Variants in DAB2 observed in about 807,000 individuals in gnomAD.
DAB2 encodes DAB adaptor protein 2.
In DAB2, 28 loss-of-function variants were observed where a neutral mutation model predicts 71.6. That is an observed-to-expected ratio of 0.39 (90% CI 0.29 to 0.54). The LOEUF (loss-of-function observed/expected upper bound fraction) is 0.54. Ranked by LOEUF, DAB2 falls within the 20% of genes least tolerant of loss-of-function variation. The pLI is 0.68. For missense variants in DAB2, 867 were observed against 928.8 expected (o/e 0.93, Z 0.86); for synonymous variants, 345 against 339.7 (o/e 1.02, Z -0.17).
intron 9 of DAB2, 103 bp downstream of exon 9, chr5:39,388,202 T>C: frequency 1.2e-6 from 1 of 820,744 alleles, no homozygotes; most frequent in Non-Finnish European, 2.0e-6. Context: ...AAATCAACAG[T>C]CACCTTCCAA....
intron 11 of DAB2, among the ~76,000 whole-genome samples, chr5:39,377,559 G>C (rs1754862889): frequency 6.6e-6 from 1 of 152,114 alleles, no homozygotes; most frequent in Non-Finnish European, 1.5e-5. Context: ...CGGTCCATAA[G>C]TATCTACTCA....
At chr5:39,400,113 C>T (rs770944427) in intron 1 of DAB2, among the ~76,000 whole-genome samples, 25 of 152,120 alleles carry the variant, frequency 1.6e-4, no homozygotes, top group Non-Finnish European at 3.1e-4. Flanking sequence ...TTAGTGGTAG[C>T]CCCATTCAAC....
chr5:39,393,526 C>T (rs1173841276), intron 2 of DAB2, 133 bp from the exon 3 acceptor site: 1 of 892,054 alleles, frequency 1.1e-6, no homozygotes, highest in East Asian at 2.6e-5. Flanking sequence ...ATATTCTGTC[C>T]TGTCTTATTC....
intron 13 of DAB2, 125 bp downstream of exon 13, chr5:39,375,872 C>A (rs927179050): frequency 2.7e-6 from 2 of 754,010 alleles, no homozygotes; most frequent in Non-Finnish European, 4.3e-6. Context: ...GCCGACAGAG[C>A]AAGACTCTGT....
intron 14 of DAB2, among the ~76,000 whole-genome samples, chr5:39,374,422 A>G (rs1027583864): frequency 6.6e-6 from 1 of 152,208 alleles, no homozygotes; most frequent in African/African-American, 2.4e-5. Flanking sequence ...TATCTAAGAT[A>G]AAGTTCATGA....
intron 1 of DAB2, among the ~76,000 whole-genome samples, chr5:39,402,548 C>G (rs938349279): frequency 2.6e-5 from 4 of 152,160 alleles, no homozygotes; most frequent in African/African-American, 9.7e-5. Context: ...TCCCAAACAG[C>G]TGAGATTACA....
At position 39,421,980 on chromosome 5, in the gene DAB2, G is replaced by A. The variant is rs545043320; in HGVS notation, c.-102+2824C>T. ...AACTAATCAGGAGACTGAGGTCACAGAATCTCTTGAACCCAGGAGGCAGAG... is the reference window on the plus strand; with the variant it reads ...AACTAATCAGGAGACTGAGGTCACAAAATCTCTTGAACCCAGGAGGCAGAG... On this transcript the variant is annotated intron_variant, in intron 1 of 14. Coordinates refer to ENST00000320816, the MANE Select transcript of DAB2 (RefSeq NM_001343.4). Among the ~76,000 whole-genome samples, 6 of 152,126 alleles carry A rather than the reference G, an allele frequency of 3.9e-5. No individual in the cohort carries two copies. The East Asian group carries it at 1.2e-3, about 29-fold the overall frequency.
At chr5:39,379,098 G>GATAAAA (rs1189997198) in intron 11 of DAB2, among the ~76,000 whole-genome samples, 2 of 152,180 alleles carry the variant, frequency 1.3e-5, no homozygotes, top group African/African-American at 4.8e-5. Context: ...CATCTTTCAT[G>GATAAAA]TTGGACAACT....
At chr5:39,380,184 T>A (rs1485727194) in intron 11 of DAB2, among the ~76,000 whole-genome samples, 1 of 152,070 alleles carries the variant, frequency 6.6e-6, no homozygotes, top group Non-Finnish European at 1.5e-5. Flanking sequence ...AGACATGAAG[T>A]CTTTAGAGAG....
In DAB2 at chr5:39,371,994, C is replaced by T. The variant is rs1016742975; in HGVS notation, c.*1437G>A. ...GGCTAATCAATAGAGGGTCATGTGG[C>T]CCCTGTCTTGTTTAGCTTCTGAGCA... On this transcript the variant is annotated 3_prime_UTR_variant, in exon 15 of 15. Transcript: ENST00000320816. 6.6e-6 allele frequency: 1 copy of T among 152,130 alleles called. No homozygotes were observed. Among genetic ancestry groups the T allele is most frequent in the East Asian group, 1.9e-4 (1 of 5,194 alleles). 9.4% of individuals were successfully genotyped at this position (152,130 alleles called of 1,614,324 possible).
chr5:39,384,782 A>G (rs1755059131), intron 9 of DAB2, among the ~76,000 whole-genome samples: 1 of 152,024 alleles, frequency 6.6e-6, no homozygotes, highest in Non-Finnish European at 1.5e-5. Context: ...TCCATTAAAT[A>G]CTTAACTATG....
At chr5:39,396,282 C>T (rs1185095227) in intron 1 of DAB2, among the ~76,000 whole-genome samples, 1 of 152,168 alleles carries the variant, frequency 6.6e-6, no homozygotes, top group African/African-American at 2.4e-5. Flanking sequence ...GACTGTCTGG[C>T]CCCAAACCAG....
chr5:39,380,789 C>A (rs1754964245), intron 11 of DAB2, among the ~76,000 whole-genome samples: 1 of 152,162 alleles, frequency 6.6e-6, no homozygotes, highest in African/African-American at 2.4e-5. Flanking sequence ...TCCCTTATTT[C>A]TCTCTTTTTT....
At chr5:39,404,183 G>A (rs1163247251) in intron 1 of DAB2, among the ~76,000 whole-genome samples, 2 of 140,546 alleles carry the variant, frequency 1.4e-5, no homozygotes, top group African/African-American at 2.7e-5. Context: ...TCATAGGTGC[G>A]AATTGAACAA....
chr5:39,388,533 T>C (rs1214813227), intron 8 of DAB2, among the ~76,000 whole-genome samples, 166 bp from the exon 9 acceptor site: 1 of 152,238 alleles, frequency 6.6e-6, no homozygotes, highest in African/African-American at 2.4e-5. Context: ...AGTGTAGACA[T>C]GTCTCAAAGC....
At chr5:39,417,231 G>A (rs886561834) in intron 1 of DAB2, 1 of 151,822 alleles carries the variant, frequency 6.6e-6, no homozygotes, top group African/African-American at 2.4e-5. Context: ...AACCACCATG[G>A]CACATGTATA....
rs1159310730 is a variant in DAB2, at chr5:39,422,840, A to G, written c.-102+1964T>C. Among the ~76,000 whole-genome samples, 1 of 152,236 alleles carries G rather than the reference A, an allele frequency of 6.6e-6. No homozygotes were observed. The highest frequency in any genetic ancestry group is 1.5e-5 in the Non-Finnish European group (1 of 68,048). On this transcript the variant is annotated intron_variant, in intron 1 of 14. Coordinates refer to ENST00000320816, the MANE Select transcript of DAB2 (RefSeq NM_001343.4). The surrounding 1 kb of genome is among the most constrained non-coding windows in gnomAD (Gnocchi z 4.1). ...TTGGAGAAAGACAACAAACAGGCCT[A>G]ATGCACAGGAATTTGGACTTCCAGT...
At position 39,383,181 on chromosome 5, in the gene DAB2, T is replaced by G; in HGVS notation, c.778A>C (p.Ile260Leu). Residue 260 changes from isoleucine to leucine, a missense_variant, in exon 10 of 15, where the codon ATC (isoleucine) becomes CTC (leucine). By Grantham distance (5) the Ile-to-Leu change is conservative (BLOSUM62 2). This residue lies in a region of DAB2 where 740 missense variants were observed against 734.3 expected (regional missense o/e 1.01). Transcript: ENST00000320816. The stretch of plus-strand genomic sequence containing the variant: ...GGTCGAGGAAGAGAACAGGAGGTGA[T>G]GCCGTTTGTTAAGAATGGATTTTCT... ...LRENPFLTNGITSCSLPRPTP... is the reference protein window; with the variant it reads ...LRENPFLTNGLTSCSLPRPTP... 6.2e-7 allele frequency: 1 copy of G among 1,614,102 alleles called. No individual in the cohort carries two copies. The highest frequency in any genetic ancestry group is 8.5e-7 in the Non-Finnish European group (1 of 1,179,990).
At position 39,389,122 on chromosome 5, in the gene DAB2, A is replaced by G. The variant is rs1055382539; in HGVS notation, c.545T>C (p.Ile182Thr). ...VKKKEEEKKK[I>T]EEASKAVENG... ...CTCAACTGCTTTGCTGGCTTCCTCT[A>G]TCTAAAAAGAAAGATACATATTCAG... Residue 182 changes from isoleucine (I) to threonine (T), a missense_variant and splice_region_variant, in exon 7 of 15, where the codon ATA (isoleucine) becomes ACA (threonine). By Grantham distance (89) the Ile-to-Thr change is moderately conservative (BLOSUM62 -1). Transcript: ENST00000320816. 4 of 1,611,184 alleles carry G rather than the reference A, an allele frequency of 2.5e-6. No homozygotes were observed. The highest frequency in any genetic ancestry group is 2.2e-5 in the East Asian group (1 of 44,860).
Sources: allele counts gnomAD v4.1 joint callset (sites outside exome capture counted in the v4.1 genomes callset), GRCh38; gene constraint gnomAD v4.1.1; regional missense constraint gnomAD v4.1.1; non-coding constraint Gnocchi (gnomAD v3.1); transcripts MANE v1.5; gene names NCBI Gene and HGNC (gene_info 2026-07-23, HGNC 2026-07-21).